The following ACYP2 variants were observed in gnomAD, a reference collection of about 807,000 sequenced individuals.
The protein encoded by ACYP2 is acylphosphatase-2.
ACYP2 carries 12 observed loss-of-function variants against 11.2 expected under a neutral mutation model. The observed-to-expected ratio is 1.08, with a 90% confidence interval of 0.69 to 1.74. The LOEUF (loss-of-function observed/expected upper bound fraction) is 1.74, where lower values mean the gene tolerates loss of function less well. ACYP2 is among the 40% of genes most tolerant of loss of function. The pLI is 0.00. For synonymous variants in ACYP2, 43 were observed against 32.2 expected (o/e 1.33, Z -1.13); for missense variants, 134 against 101.9 (o/e 1.31, Z -1.35).
At chr2:54,270,807 A>G (rs1238997767) in intron 6 of ACYP2, among the ~76,000 whole-genome samples, 4 of 152,240 alleles carry the variant, frequency 2.6e-5, no homozygotes, top group Admixed American at 2.6e-4. Context: ...GAGCAGCATC[A>G]TAAGTCACAC....
chr2:54,029,522 GCTCCT>G, intron 2 of ACYP2: 1 of 392,202 alleles, frequency 2.5e-6, no homozygotes. Flanking sequence ...AGCAACTCAG[GCTCCT>G]TCCCATTGGT....
intron 4 of ACYP2, among the ~76,000 whole-genome samples, chr2:54,102,342 G>C (rs1233971060): frequency 6.6e-6 from 1 of 152,174 alleles, no homozygotes; most frequent in Non-Finnish European, 1.5e-5. Context: ...ACTTGTTAGA[G>C]ACCAGCTTAA....
intron 6 of ACYP2, among the ~76,000 whole-genome samples, chr2:54,190,352 T>C (rs1572909640): frequency 6.6e-6 from 1 of 152,274 alleles, no homozygotes; most frequent in East Asian, 1.9e-4. Flanking sequence ...CCCATTTTTT[T>C]CCTGCTCTTC....
intron 4 of ACYP2, among the ~76,000 whole-genome samples, chr2:54,107,809 A>G (rs939726586): frequency 1.3e-5 from 2 of 152,218 alleles, no homozygotes; most frequent in Non-Finnish European, 2.9e-5. Context: ...ATAGAGATCC[A>G]CTTTGAGGCT....
chr2:54,102,500 A>G (rs1200994536), intron 4 of ACYP2, among the ~76,000 whole-genome samples: 1 of 152,046 alleles, frequency 6.6e-6, no homozygotes, highest in African/African-American at 2.4e-5. Flanking sequence ...GCATGGTTGC[A>G]AGGAGGTCTA....
chr2:54,082,267 A>G (rs1318361360), intron 4 of ACYP2, among the ~76,000 whole-genome samples: 1 of 144,576 alleles, frequency 6.9e-6, no homozygotes, highest in Non-Finnish European at 1.5e-5. Flanking sequence ...TTTTTTTGAG[A>G]TGAAGTCTCA....
chr2:54,012,230 C>T (rs867394373), intron 2 of ACYP2, among the ~76,000 whole-genome samples: 2 of 147,968 alleles, frequency 1.4e-5, no homozygotes, highest in South Asian at 2.1e-4. Flanking sequence ...AGCGAGACTC[C>T]GTCTCAAAAA....
At chr2:54,299,364 C>T (rs966425933) in intron 6 of ACYP2, among the ~76,000 whole-genome samples, 13 of 151,648 alleles carry the variant, frequency 8.6e-5, no homozygotes, top group Admixed American at 2.6e-4. Flanking sequence ...GAGGCCGAGG[C>T]GGGCAGATCA....
intron 6 of ACYP2, among the ~76,000 whole-genome samples, chr2:54,285,791 C>T (rs1689053990): frequency 6.6e-6 from 1 of 152,178 alleles, no homozygotes. Flanking sequence ...AATCTTCCTC[C>T]TCTTTGCCTT....
At chr2:54,072,166 G>T (rs1277865142) in intron 4 of ACYP2, among the ~76,000 whole-genome samples, 2 of 152,120 alleles carry the variant, frequency 1.3e-5, no homozygotes, top group Non-Finnish European at 2.9e-5. Context: ...ATTGTTGAAA[G>T]AAATTAAAGA....
intron 4 of ACYP2, among the ~76,000 whole-genome samples, chr2:54,107,175 C>T (rs2103711703): frequency 6.6e-6 from 1 of 152,148 alleles, no homozygotes; most frequent in Non-Finnish European, 1.5e-5. Flanking sequence ...AACTAGAGCG[C>T]TAGACATGTT....
intron 4 of ACYP2, among the ~76,000 whole-genome samples, chr2:54,113,201 G>C (rs1679545511): frequency 6.6e-6 from 1 of 151,192 alleles, no homozygotes; most frequent in Admixed American, 6.6e-5. Context: ...AGGGAATGAT[G>C]ACAAGAAACA....
At chr2:54,071,749 G>A (rs1677057468) in intron 4 of ACYP2, among the ~76,000 whole-genome samples, 1 of 152,162 alleles carries the variant, frequency 6.6e-6, no homozygotes, top group Admixed American at 6.5e-5. Context: ...GGTGGCTCAT[G>A]CCTGTAATCC....
At chr2:54,266,174 C>G (rs565481744) in intron 6 of ACYP2, among the ~76,000 whole-genome samples, 10 of 152,280 alleles carry the variant, frequency 6.6e-5, no homozygotes, top group African/African-American at 2.4e-4. Flanking sequence ...TATACTAGAA[C>G]TTATGGTCTG....
At chr2:54,070,270 C>CAAAAA (rs200624759) in intron 4 of ACYP2, among the ~76,000 whole-genome samples, 1 of 89,884 alleles carries the variant, frequency 1.1e-5, no homozygotes, top group East Asian at 2.5e-4. Flanking sequence ...AAGTCCATCT[C>CAAAAA]AAAAAAAAAA....
At chr2:53,992,847 A>G (rs1672370381) in intron 2 of ACYP2, among the ~76,000 whole-genome samples, 2 of 151,234 alleles carry the variant, frequency 1.3e-5, no homozygotes, top group Non-Finnish European at 2.9e-5. Flanking sequence ...AAAAAAAAAA[A>G]GTTTTCCAGT....
intron 2 of ACYP2, among the ~76,000 whole-genome samples, chr2:54,020,397 C>T (rs1673942202): frequency 6.6e-6 from 1 of 152,204 alleles, no homozygotes; most frequent in Non-Finnish European, 1.5e-5. Context: ...TTAAAATGTC[C>T]TACCAGAGAC....
intron 2 of ACYP2, among the ~76,000 whole-genome samples, chr2:54,002,854 T>G (rs1051700981): frequency 6.7e-6 from 1 of 150,060 alleles, no homozygotes; most frequent in East Asian, 2.0e-4. Context: ...TTTCTCCATG[T>G]TGAGGCTGGT....
chr2:54,245,757 G>T (rs1686921393), intron 6 of ACYP2, among the ~76,000 whole-genome samples: 1 of 149,200 alleles, frequency 6.7e-6, no homozygotes, highest in Non-Finnish European at 1.5e-5. Flanking sequence ...TGTATATTCT[G>T]GATATTAATC....
Sources: gnomAD v4.1 joint callset for allele counts (sites outside exome capture counted in the v4.1 genomes callset) on GRCh38, gnomAD v4.1.1 for gene constraint, MANE v1.5 for transcripts, NCBI Gene and HGNC (gene_info 2026-07-23, HGNC 2026-07-21) for gene names.